ZBTB16: variants seen among roughly 807,000 people sequenced by gnomAD.
ZBTB16 encodes zinc finger and BTB domain-containing protein 16.
ZBTB16 carries 8 observed loss-of-function variants against 56.8 expected under a neutral mutation model. The ratio of observed to expected loss-of-function variants is 0.14; its 90% confidence interval spans 0.08 to 0.25. The LOEUF is 0.25. ZBTB16 is among the 10% of genes least tolerant of loss of function. ZBTB16 has a pLI of 1.00. For synonymous variants in ZBTB16, 363 were observed against 368.5 expected (o/e 0.98, Z 0.17); for missense variants, 625 against 903.0 (o/e 0.69, Z 3.95).
chr11:114,161,571 A>G (rs1188648958), intron 3 of ZBTB16, among the ~76,000 whole-genome samples: 1 of 152,192 alleles, frequency 6.6e-6, no homozygotes, highest in Non-Finnish European at 1.5e-5. Flanking sequence ...ACAGAACAGC[A>G]TTTTGAAAGG....
chr11:114,208,468 G>A (rs1401834883), intron 4 of ZBTB16, among the ~76,000 whole-genome samples: 1 of 152,160 alleles, frequency 6.6e-6, no homozygotes, highest in Admixed American at 6.5e-5. Context: ...AAAAAGGGAT[G>A]TGAGGACCAA....
intron 4 of ZBTB16, among the ~76,000 whole-genome samples, chr11:114,202,112 C>T: frequency 6.6e-6 from 1 of 152,210 alleles, no homozygotes; most frequent in Non-Finnish European, 1.5e-5. Flanking sequence ...TGTGCCAGCA[C>T]TCAGAGGTCA....
chr11:114,158,997 T>C (rs1308724253), intron 3 of ZBTB16, among the ~76,000 whole-genome samples: 11 of 152,232 alleles, frequency 7.2e-5, no homozygotes, highest in Non-Finnish European at 1.6e-4. Context: ...TGTATCCCTC[T>C]TCCAGGCGGT....
intron 2 of ZBTB16, among the ~76,000 whole-genome samples, chr11:114,070,397 C>T (rs528440719): frequency 3.3e-4 from 50 of 152,162 alleles, no homozygotes; most frequent in Admixed American, 7.9e-4. Flanking sequence ...CGTGAGCCAC[C>T]GCGCCCGGCC....
rs78956833 is a variant in ZBTB16 at position 114,168,411 on chromosome 11, G to A, written c.1366+11977G>A. ...GTTGAAGAAGTGAAGGGCTCAGGAT[G>A]CATGGTTTGGCTGCAGGAAGGAGAG... On this transcript the variant is annotated intron_variant, in intron 3 of 6. Coordinates refer to ENST00000335953, the MANE Select transcript of ZBTB16 (RefSeq NM_006006.6). Among the ~76,000 whole-genome samples, 1,375 of 152,312 alleles carry A rather than the reference G, an allele frequency of 9.0e-3. 21 individuals carry two copies. Among genetic ancestry groups the A allele is most frequent in the African/African-American group, 0.029 (1,196 of 41,548 alleles).
At chr11:114,218,023 C>T (rs780668965) in intron 4 of ZBTB16, among the ~76,000 whole-genome samples, 3 of 152,144 alleles carry the variant, frequency 2.0e-5, no homozygotes, top group Non-Finnish European at 4.4e-5. Flanking sequence ...TGAACAGGGC[C>T]CTGGCCCTGG....
At chr11:114,234,967 C>A (rs999987565) in intron 4 of ZBTB16, among the ~76,000 whole-genome samples, 1 of 151,290 alleles carries the variant, frequency 6.6e-6, no homozygotes, top group Admixed American at 6.6e-5. Context: ...GTTGCCCATG[C>A]TGGAGATGGT....
chr11:114,205,325 A>G (rs1408568608), intron 4 of ZBTB16, among the ~76,000 whole-genome samples: 1 of 151,516 alleles, frequency 6.6e-6, no homozygotes, highest in Non-Finnish European at 1.5e-5. Context: ...CAGGAGAATG[A>G]CGTGAACCCG....
At chr11:114,131,316 TC>T (rs1302210165) in intron 2 of ZBTB16, among the ~76,000 whole-genome samples, 1 of 152,188 alleles carries the variant, frequency 6.6e-6, no homozygotes, top group Non-Finnish European at 1.5e-5. Flanking sequence ...AATTATTTGG[TC>T]CAAAATGCCA....
intron 2 of ZBTB16, among the ~76,000 whole-genome samples, chr11:114,116,093 G>A (rs187171742): frequency 3.3e-5 from 5 of 152,302 alleles, no homozygotes; most frequent in Admixed American, 3.3e-4. Flanking sequence ...CAGCTTCAAG[G>A]TTTGCTGAAA....
At position 114,191,402 on chromosome 11, in the gene ZBTB16, T is replaced by C. The variant is rs74540128; in HGVS notation, c.1453+4364T>C. 1.4e-4 allele frequency among the ~76,000 whole-genome samples: 21 copies of C among 152,368 alleles called. No homozygotes were observed. The East Asian group carries it at 3.5e-3, about 25-fold the overall frequency. ...TGTTATAATTGCCTGCAGTGTTTAG[T>C]ACAGTAGCATGCTGTAAAGGTTTGA... On this transcript the variant is annotated intron_variant, in intron 4 of 6. Coordinates refer to ENST00000335953, the MANE Select transcript of ZBTB16 (RefSeq NM_006006.6).
chr11:114,219,090 A>G (rs1351501176), intron 4 of ZBTB16, among the ~76,000 whole-genome samples: 1 of 152,178 alleles, frequency 6.6e-6, no homozygotes, highest in Non-Finnish European at 1.5e-5. Context: ...GTGTATATGT[A>G]TAGCGGGGCT....
chr11:114,195,929 T>G (rs762060896), intron 4 of ZBTB16, among the ~76,000 whole-genome samples: 13 of 152,278 alleles, frequency 8.5e-5, no homozygotes, highest in Middle Eastern at 3.4e-3. Context: ...GACTATGTCC[T>G]CCGGCCAAGA....
At chr11:114,248,028 C>T (rs1944850273) in intron 6 of ZBTB16, among the ~76,000 whole-genome samples, 1 of 151,970 alleles carries the variant, frequency 6.6e-6, no homozygotes, top group Non-Finnish European at 1.5e-5. Flanking sequence ...CTCCCAATTA[C>T]CTGGGATTAC....
chr11:114,154,520 T>C (rs948966199), intron 2 of ZBTB16, among the ~76,000 whole-genome samples: 1 of 152,226 alleles, frequency 6.6e-6, no homozygotes, highest in African/African-American at 2.4e-5. Context: ...TTGCATGCAC[T>C]CACATACCCC....
At chr11:114,168,027 C>T (rs1379761358) in intron 3 of ZBTB16, among the ~76,000 whole-genome samples, 1 of 152,254 alleles carries the variant, frequency 6.6e-6, no homozygotes, top group Non-Finnish European at 1.5e-5. Flanking sequence ...TCTATCCCCT[C>T]TTATGGCACC....
At chr11:114,167,666 C>G (rs1591741646) in intron 3 of ZBTB16, among the ~76,000 whole-genome samples, 2 of 152,166 alleles carry the variant, frequency 1.3e-5, no homozygotes, top group East Asian at 3.9e-4. Context: ...TCCTGCTCTC[C>G]CAGCGACCCC....
At chr11:114,206,462 G>A (rs1236734692) in intron 4 of ZBTB16, among the ~76,000 whole-genome samples, 2 of 152,148 alleles carry the variant, frequency 1.3e-5, no homozygotes, top group Non-Finnish European at 2.9e-5. Context: ...TCCCTTTCCT[G>A]GAAATCCCCA....
intron 4 of ZBTB16, among the ~76,000 whole-genome samples, chr11:114,227,714 G>C (rs1312855864): frequency 1.3e-5 from 2 of 152,144 alleles, no homozygotes; most frequent in Non-Finnish European, 1.5e-5. Context: ...CTTCCTGGGA[G>C]GCCAAGCATT....
Sources: gnomAD v4.1 joint callset for allele counts (sites outside exome capture counted in the v4.1 genomes callset) on GRCh38, gnomAD v4.1.1 for gene constraint, MANE v1.5 for transcripts, NCBI Gene and HGNC (gene_info 2026-07-23, HGNC 2026-07-21) for gene names.